The following CUX1 variants were observed in gnomAD, a reference collection of about 807,000 sequenced individuals.
CUX1 encodes the protein cut like homeobox 1.
A neutral mutation model predicts 158.8 loss-of-function variants in CUX1; 31 were observed. The observed-to-expected ratio is 0.20, with a 90% CI of 0.15 to 0.26. CUX1 has a LOEUF of 0.26. CUX1 is among the 10% of genes least tolerant of loss of function. The probability of loss-of-function intolerance (pLI) is 1.00; values close to 1 mark genes in which losing one functional copy is unlikely to be tolerated. For synonymous variants in CUX1, 879 were observed against 862.1 expected (o/e 1.02, Z -0.34); for missense variants, 1,589 against 2,014.6 (o/e 0.79, Z 4.04).
intron 1 of CUX1, among the ~76,000 whole-genome samples, chr7:101,859,270 C>A (rs577921367): frequency 2.0e-5 from 3 of 152,138 alleles, no homozygotes; most frequent in African/African-American, 4.8e-5. Flanking sequence ...ATTAACTCAG[C>A]GATGTCTCAA....
intron 1 of CUX1, among the ~76,000 whole-genome samples, chr7:101,853,755 C>T (rs1228452725): frequency 6.6e-6 from 1 of 152,154 alleles, no homozygotes; most frequent in Non-Finnish European, 1.5e-5. Context: ...AAGGAGCCCT[C>T]AGTGTTCCTG....
chr7:101,967,203 T>C (rs369468935), intron 2 of CUX1, among the ~76,000 whole-genome samples: 9 of 152,062 alleles, frequency 5.9e-5, no homozygotes, highest in South Asian at 4.2e-4. Context: ...TTAGTAGAGA[T>C]GGGGTTTCAC....
chr7:102,026,971 G>T (rs1169502475), intron 2 of CUX1, among the ~76,000 whole-genome samples: 1 of 152,098 alleles, frequency 6.6e-6, no homozygotes, highest in African/African-American at 2.4e-5. Context: ...TCATAAGCAT[G>T]CACCTATGGG....
intron 8 of CUX1, chr7:102,153,671 A>G (rs1388336719): frequency 6.6e-6 from 1 of 152,228 alleles, no homozygotes; most frequent in African/African-American, 2.4e-5. Flanking sequence ...TTCTCCTTCA[A>G]TTCGCTTGAG....
At chr7:101,927,998 C>T (rs547231141) in intron 2 of CUX1, among the ~76,000 whole-genome samples, 1 of 152,188 alleles carries the variant, frequency 6.6e-6, no homozygotes, top group African/African-American at 2.4e-5. Context: ...CCGGCATCCC[C>T]TTTCCTTCCT....
At chr7:102,197,459 A>C (rs142797912) in intron 15 of CUX1, among the ~76,000 whole-genome samples, 154 bp downstream of exon 15, 317 of 152,360 alleles carry the variant, frequency 2.1e-3, no homozygotes, top group Non-Finnish European at 3.8e-3. Context: ...CCAGAGCTCA[A>C]GGGTGGCCCG....
intron 2 of CUX1, among the ~76,000 whole-genome samples, chr7:102,011,709 G>A (rs1363753582): frequency 6.6e-6 from 1 of 152,086 alleles, no homozygotes; most frequent in Non-Finnish European, 1.5e-5. Flanking sequence ...ACTCCCTGTG[G>A]GTGGGAGAAC....
At chr7:102,051,820 G>A (rs903433865) in intron 3 of CUX1, among the ~76,000 whole-genome samples, 4 of 152,128 alleles carry the variant, frequency 2.6e-5, no homozygotes, top group Admixed American at 6.6e-5. Flanking sequence ...CTTTGTTTTC[G>A]CTTTGCTTTT....
At chr7:101,841,706 C>T (rs993720852) in intron 1 of CUX1, among the ~76,000 whole-genome samples, 17 of 151,896 alleles carry the variant, frequency 1.1e-4, no homozygotes, top group African/African-American at 4.1e-4. Context: ...TATAGGCGTC[C>T]CTGCCACCAC....
At chr7:101,972,241 C>G (rs1563076692) in intron 2 of CUX1, among the ~76,000 whole-genome samples, 2 of 152,266 alleles carry the variant, frequency 1.3e-5, no homozygotes, top group Non-Finnish European at 2.9e-5. Context: ...GCTGGGATTA[C>G]AGGCGTGAGC....
intron 2 of CUX1, among the ~76,000 whole-genome samples, chr7:101,986,658 G>T (rs747489812): frequency 3.9e-5 from 6 of 152,168 alleles, no homozygotes; most frequent in Non-Finnish European, 7.3e-5. Context: ...GCCCTCCCTC[G>T]GCTTGTCTTC....
chr7:101,999,504 G>A (rs1449091118), intron 2 of CUX1, among the ~76,000 whole-genome samples: 4 of 152,114 alleles, frequency 2.6e-5, no homozygotes, highest in African/African-American at 7.2e-5. Context: ...CGGTTAAGAC[G>A]ACTTTTCTTT....
chr7:102,197,405 T>A, intron 15 of CUX1, 100 bp downstream of exon 15: 1 of 1,344,612 alleles, frequency 7.4e-7, no homozygotes, highest in Admixed American at 1.9e-5. Context: ...TGATGAAACA[T>A]TTGTGCATCA....
At chr7:102,088,886 G>A (rs1554481391) in intron 4 of CUX1, among the ~76,000 whole-genome samples, 1 of 152,126 alleles carries the variant, frequency 6.6e-6, no homozygotes, top group Non-Finnish European at 1.5e-5. Context: ...AGAGTTTCTT[G>A]AATTTTTAGG....
chr7:102,006,689 T>C (rs1455755367), intron 2 of CUX1, among the ~76,000 whole-genome samples: 1 of 152,212 alleles, frequency 6.6e-6, no homozygotes, highest in Admixed American at 6.6e-5. Context: ...GGCCCTAGAA[T>C]GAATTTTTCT....
At chr7:102,219,055 A>ACACACACACACACACAC (rs1797534201) in intron 20 of CUX1, among the ~76,000 whole-genome samples, 2 of 126,248 alleles carry the variant, frequency 1.6e-5, no homozygotes, top group Non-Finnish European at 3.3e-5. Context: ...CCTGCCTCAA[A>ACACACACACACACACAC]ACACACACAC....
At chr7:102,193,788 C>T (rs530442262) in intron 12 of CUX1, 54 bp from the exon 13 acceptor site, 20 of 1,557,318 alleles carry the variant, frequency 1.3e-5, no homozygotes, top group African/African-American at 1.1e-4. Context: ...GGTGACAGAA[C>T]GAGACTCTGT....
intron 1 of CUX1, among the ~76,000 whole-genome samples, chr7:101,833,919 T>G (rs1794340054): frequency 6.6e-6 from 1 of 152,094 alleles, no homozygotes; most frequent in African/African-American, 2.4e-5. Context: ...GCAGAGTCTG[T>G]CCTAGAATGG....
chr7:102,170,297 CTG>C (rs1791562134), intron 9 of CUX1, 147 bp from the exon 10 acceptor site: 1 of 613,300 alleles, frequency 1.6e-6, no homozygotes, highest in Non-Finnish European at 2.9e-6. Flanking sequence ...CCATCACATT[CTG>C]TGTTTTTTTT....
Sources: gnomAD v4.1 joint callset for allele counts (sites outside exome capture counted in the v4.1 genomes callset) on GRCh38, gnomAD v4.1.1 for gene constraint, MANE v1.5 for transcripts, NCBI Gene and HGNC (gene_info 2026-07-23, HGNC 2026-07-21) for gene names.